Variants in MAP3K10 observed in about 807,000 individuals in gnomAD.
The protein encoded by MAP3K10 is MKN28 derived nonreceptor_type serine/threonine kinase.
Under a neutral mutation model 75.0 loss-of-function variants are expected in MAP3K10, and 22 were observed. That is an observed-to-expected ratio of 0.29 (90% CI 0.21 to 0.42). The LOEUF (loss-of-function observed/expected upper bound fraction) is 0.42, where lower values mean the gene tolerates loss of function less well. Ranked by LOEUF, MAP3K10 falls within the 10% of genes least tolerant of loss-of-function variation. The pLI is 1.00. For missense variants in MAP3K10, 1,165 were observed against 1,379.8 expected, an observed-to-expected ratio of 0.84 and a Z score of 2.47; for synonymous variants, 599 against 612.9, an observed-to-expected ratio of 0.98 and a Z score of 0.34.
Position 40,198,286 on chromosome 19 carries a change from A to G in MAP3K10, c.683-89A>G. 2.4e-6 allele frequency: 3 copies of G among 1,274,578 alleles called. No individual in the cohort carries two copies. Among genetic ancestry groups the G allele is most frequent in the Non-Finnish European group, 3.3e-6 (3 of 914,858 alleles). The allele number at this position is 1,274,578 out of a possible 1,614,324, so 79.0% of individuals were successfully genotyped here. ...GCAGCCTGAGGCAGTGAGAGGAAAGACGTGTTTCTAGCTGAGGCAGCGGGC... is the reference window on the plus strand; with the variant it reads ...GCAGCCTGAGGCAGTGAGAGGAAAGGCGTGTTTCTAGCTGAGGCAGCGGGC... On this transcript the variant is annotated intron_variant, in intron 1 of 9. Transcript: ENST00000253055. The surrounding 1 kb of genome is among the most constrained non-coding windows in gnomAD (Gnocchi z 4.3).
chr19:40,205,248 G>A lies in MAP3K10; in HGVS notation c.1140G>A (p.Trp380Ter). ...LESFHSLQED[W>*]KLEIQHMFDD... ...CCTTCCACTCGCTGCAGGAAGACTG[G>A]AAGCTGGAGATTCAGCACATGTTTG... The change falls in exon 4 of 10, where the codon TGG becomes TGA. Residue 380 changes from tryptophan to a stop codon, truncating the protein, a stop_gained. Coordinates refer to ENST00000253055, the MANE Select transcript of MAP3K10 (RefSeq NM_002446.4). LOFTEE classifies it high-confidence loss of function. This position sits in a 1 kb window ranked among gnomAD's most constrained non-coding sequence, Gnocchi z 4.3. The A allele has an allele frequency of 6.2e-7, 1 of 1,614,122 alleles. No homozygotes were observed.
chr19:40,214,779 A>C, intron 9 of MAP3K10, among the ~76,000 whole-genome samples, 191 bp from the exon 10 acceptor site: 1 of 152,144 alleles, frequency 6.6e-6, no homozygotes, highest in East Asian at 1.9e-4. Flanking sequence ...CAGAGGAGCA[A>C]GCAGCTGGGA....
chr19:40,200,075 A>T (rs1238560540), intron 2 of MAP3K10, among the ~76,000 whole-genome samples: 1 of 152,142 alleles, frequency 6.6e-6, no homozygotes, highest in Non-Finnish European at 1.5e-5. Context: ...TGGGTGGTTC[A>T]CTTGAGGCCA....
intron 1 of MAP3K10, among the ~76,000 whole-genome samples, chr19:40,194,220 G>C (rs1164631376): frequency 6.6e-6 from 1 of 152,148 alleles, no homozygotes; most frequent in Non-Finnish European, 1.5e-5. Flanking sequence ...AATTAGCTGG[G>C]CATGGTGGCA....
In MAP3K10 at chr19:40,202,165, C is replaced by A. The variant is rs537968903; in HGVS notation, c.864-2320C>A. 5.3e-5 allele frequency among the ~76,000 whole-genome samples: 8 copies of A among 152,228 alleles called. No homozygotes were observed. The South Asian group carries it at 1.2e-3, about 24-fold the overall frequency. ...ACGCCATTCTCCTGCCTCAGCCTCCCGAGTAGCTGGGACTACAGGCGCCCG... is the reference window on the plus strand; with the variant it reads ...ACGCCATTCTCCTGCCTCAGCCTCCAGAGTAGCTGGGACTACAGGCGCCCG... On this transcript the variant is annotated intron_variant, in intron 2 of 9. Transcript: ENST00000253055.
intron 1 of MAP3K10, among the ~76,000 whole-genome samples, chr19:40,196,097 A>G (rs1364309200): frequency 1.3e-5 from 2 of 152,296 alleles, no homozygotes; most frequent in African/African-American, 2.4e-5. Flanking sequence ...GCCCCATTTC[A>G]TAGAGGAGAA....
At position 40,198,410 on chromosome 19, in the gene MAP3K10, G is replaced by A. The variant is rs202232339; in HGVS notation, c.718G>A (p.Ala240Thr). ...GGAGGCCATCGAGAACCACAACCTCGCAGACACGGTGCTCAAGATCACGGA... is the reference window on the plus strand; with the variant it reads ...GGAGGCCATCGAGAACCACAACCTCACAGACACGGTGCTCAAGATCACGGA... ...ILEAIENHNL[A>T]DTVLKITDFG... The change falls in exon 2 of 10, where the codon GCA becomes ACA. Residue 240 changes from alanine to threonine, a missense_variant. Coordinates refer to ENST00000253055, the MANE Select transcript of MAP3K10 (RefSeq NM_002446.4). The surrounding 1 kb of genome is among the most constrained non-coding windows in gnomAD (Gnocchi z 4.3). The A allele has an allele frequency of 2.5e-4, 411 of 1,613,758 alleles. No individual in the cohort carries two copies. Among genetic ancestry groups the A allele is most frequent in the Non-Finnish European group, 3.3e-4 (393 of 1,179,978 alleles).
Position 40,214,002 on chromosome 19 carries a change from T to TACCCCCCC in MAP3K10, c.2323_2324insACCCCCCC (p.Ser775TyrfsTer50). On this transcript the variant is annotated frameshift_variant, in exon 9 of 10. Transcript: ENST00000253055. LOFTEE classifies it high-confidence loss of function. ...TGACGAGGCCGCACCGGCCGCGCCC[T>TACCCCCCC]CCCCACCACCCTCCCCGCCCGCGCC... 16 of 1,493,650 alleles carry TACCCCCCC rather than the reference T, an allele frequency of 1.1e-5. No individual in the cohort carries two copies. Among genetic ancestry groups the TACCCCCCC allele is most frequent in the Middle Eastern group, 1.8e-4 (1 of 5,598 alleles). The allele number at this position is 1,493,650 out of a possible 1,614,324, so 92.5% of individuals were successfully genotyped here.
rs1792717280 is a variant in MAP3K10, at chr19:40,209,107, T to C, written c.1440T>C (p.Phe480=). The C allele has an allele frequency of 1.2e-6, 2 of 1,612,538 alleles. No individual in the cohort carries two copies. Among genetic ancestry groups the C allele is most frequent in the African/African-American group, 2.7e-5 (2 of 75,050 alleles). ...AGCTTCTCTTTCTTTCTGCAGGCTT[T>C]GAGCATAAGATCACAGTCCAGGCCT... The part of the protein sequence containing the change: ...GGSHISLPSG[F]EHKITVQASP... Residue 480 remains phenylalanine (F), a synonymous_variant, in exon 6 of 10, where the codon TTT becomes TTC. Transcript: ENST00000253055.
intron 5 of MAP3K10, among the ~76,000 whole-genome samples, chr19:40,207,606 A>G (rs1329019360): frequency 6.6e-6 from 1 of 151,942 alleles, no homozygotes; most frequent in Non-Finnish European, 1.5e-5. Context: ...GTGGTGGCGC[A>G]TGCCTGTAAT....
Position 40,206,137 on chromosome 19 carries a change from G to A in MAP3K10, c.1415G>A (p.Ser472Asn), listed in dbSNP as rs1973117126. 1 of 1,608,902 alleles carries A rather than the reference G, an allele frequency of 6.2e-7. No homozygotes were observed. Among genetic ancestry groups the A allele is most frequent in the Non-Finnish European group, 8.5e-7 (1 of 1,176,492 alleles). Residue 472 changes from serine to asparagine, a missense_variant, in exon 5 of 10, where the codon AGC becomes AAC. By Grantham distance (46) the Ser-to-Asn change is conservative. Coordinates refer to ENST00000253055, the MANE Select transcript of MAP3K10 (RefSeq NM_002446.4). ...CTGCTCAAGCTGCGGGAAGGCGGCAGCCACATCAGCCTGCCCTCTGGTACC... is the reference window on the plus strand; with the variant it reads ...CTGCTCAAGCTGCGGGAAGGCGGCAACCACATCAGCCTGCCCTCTGGTACC... Reference protein sequence around the residue: ...SRLLKLREGGSHISLPSGFEH... With the variant: ...SRLLKLREGGNHISLPSGFEH...
At chr19:40,214,281 G>A (rs143151134) in intron 9 of MAP3K10, 60 bp downstream of exon 9, 88 of 1,360,178 alleles carry the variant, frequency 6.5e-5, no homozygotes, top group Middle Eastern at 5.5e-4. Context: ...CTCTGCCAGG[G>A]TCGCAAGTCC....
In MAP3K10 at chr19:40,205,686, TAAGAAAGAAA is replaced by T. The variant is rs952418379; in HGVS notation, c.1189-211_1189-202del. On this transcript the variant is annotated intron_variant, in intron 4 of 9. Coordinates refer to ENST00000253055, the MANE Select transcript of MAP3K10 (RefSeq NM_002446.4). The surrounding 1 kb of genome is among the most constrained non-coding windows in gnomAD (Gnocchi z 4.3). The stretch of plus-strand genomic sequence containing the variant: ...TTTGAAGTTTTCTAAATTGAAGAGT[TAAGAAAGAAA>T]AAGAAAGAAAAAGCACCCCTTTCTT... 4.8e-5 allele frequency: 26 copies of T among 536,598 alleles called. No homozygotes were observed. Among genetic ancestry groups the T allele is most frequent in the Middle Eastern group, 4.7e-4 (1 of 2,116 alleles). 33.2% of individuals were successfully genotyped at this position (536,598 alleles called of 1,614,324 possible). A position where few individuals can be genotyped will look rare whatever the true frequency, so the allele number is the denominator to read the frequency against.
At chr19:40,202,341 C>A (rs1179638609) in intron 2 of MAP3K10, among the ~76,000 whole-genome samples, 2 of 152,122 alleles carry the variant, frequency 1.3e-5, no homozygotes, top group East Asian at 1.9e-4. Flanking sequence ...CGCCCGGCCT[C>A]ATTTTCTTAC....
In MAP3K10 at chr19:40,205,425, C is replaced by A; in HGVS notation, c.1188+129C>A. 1 of 981,280 alleles carries A rather than the reference C, an allele frequency of 1.0e-6. No homozygotes were observed. The highest frequency in any genetic ancestry group is 1.5e-6 in the Non-Finnish European group (1 of 672,768). 60.8% of individuals were successfully genotyped at this position (981,280 alleles called of 1,614,324 possible). ...TGCAGGGTCAAGGGAGCCTTTTTTGCATATTAAGAAAAGACAGCCTCCTGT... is the reference window on the plus strand; with the variant it reads ...TGCAGGGTCAAGGGAGCCTTTTTTGAATATTAAGAAAAGACAGCCTCCTGT... On this transcript the variant is annotated intron_variant, in intron 4 of 9. Coordinates refer to ENST00000253055, the MANE Select transcript of MAP3K10 (RefSeq NM_002446.4). The surrounding 1 kb of genome is among the most constrained non-coding windows in gnomAD (Gnocchi z 4.3).
chr19:40,201,102 C>G (rs1168907578), intron 2 of MAP3K10, among the ~76,000 whole-genome samples: 8 of 152,046 alleles, frequency 5.3e-5, no homozygotes, highest in Admixed American at 5.2e-4. Flanking sequence ...TGTTTCTCCC[C>G]CACCTTGTAT....
chr19:40,209,446 T>C (rs1309791903), intron 6 of MAP3K10, among the ~76,000 whole-genome samples: 1 of 151,010 alleles, frequency 6.6e-6, no homozygotes, highest in Non-Finnish European at 1.5e-5. Context: ...AGAGTCTCGC[T>C]CTATCTCCCA....
At chr19:40,196,660 A>G (rs1972913261) in intron 1 of MAP3K10, among the ~76,000 whole-genome samples, 1 of 152,162 alleles carries the variant, frequency 6.6e-6, no homozygotes, top group Admixed American at 6.5e-5. Flanking sequence ...CTGGGACTCC[A>G]GGCACCCGCC....
Position 40,209,130 on chromosome 19 carries a change from C to T in MAP3K10, c.1463C>T (p.Ala488Val). The change falls in exon 6 of 10, where the codon GCC (alanine) becomes GTC (valine). Residue 488 changes from alanine (A) to valine (V), a missense_variant. By Grantham distance (64) the Ala-to-Val change is moderately conservative. Transcript: ENST00000253055. Reference sequence around the variant, plus strand: ...TTTGAGCATAAGATCACAGTCCAGGCCTCTCCAACTCTGGATAAGCGGAAA... The same window carrying T: ...TTTGAGCATAAGATCACAGTCCAGGTCTCTCCAACTCTGGATAAGCGGAAA... ...SGFEHKITVQ[A>V]SPTLDKRKGS... 6.2e-7 allele frequency: 1 copy of T among 1,614,144 alleles called. No homozygotes were observed. Among genetic ancestry groups the T allele is most frequent in the Non-Finnish European group, 8.5e-7 (1 of 1,179,950 alleles).
Sources: gnomAD v4.1 joint callset for allele counts (sites outside exome capture counted in the v4.1 genomes callset) on GRCh38, gnomAD v4.1.1 for gene constraint, Gnocchi (gnomAD v3.1) non-coding constraint, MANE v1.5 for transcripts, NCBI Gene and HGNC (gene_info 2026-07-23, HGNC 2026-07-21) for gene names.